Variants in CTNNA3 observed in about 807,000 individuals in gnomAD.
The protein encoded by CTNNA3 is catenin alpha-3.
A neutral mutation model predicts 95.7 loss-of-function variants in CTNNA3; 76 were observed. That is an observed-to-expected ratio of 0.79 (90% CI 0.66 to 0.96). The LOEUF (loss-of-function observed/expected upper bound fraction) is 0.96. CTNNA3 is among the 40% of genes least tolerant of loss of function. The pLI is 0.00. For missense variants in CTNNA3, 1,191 were observed against 1,089.8 expected (o/e 1.09, Z -1.31); for synonymous variants, 431 against 374.4 (o/e 1.15, Z -1.74).
At chr10:67,599,512 T>C (rs1485460558) in intron 3 of CTNNA3, among the ~76,000 whole-genome samples, 1 of 151,936 alleles carries the variant, frequency 6.6e-6, no homozygotes, top group East Asian at 1.9e-4. Context: ...GATGAATAGA[T>C]AGGACATTTC....
intron 7 of CTNNA3, among the ~76,000 whole-genome samples, chr10:66,833,630 TC>T (rs1350733499): frequency 2.0e-5 from 3 of 152,170 alleles, no homozygotes; most frequent in Admixed American, 2.0e-4. Flanking sequence ...AGTAGTGTGT[TC>T]CTAGACACTT....
chr10:66,380,615 A>G (rs1286388541), intron 11 of CTNNA3, among the ~76,000 whole-genome samples: 1 of 111,110 alleles, frequency 9.0e-6, no homozygotes, highest in Non-Finnish European at 1.6e-5. Context: ...CTATCTATCT[A>G]TCTATCTATC....
chr10:66,429,076 C>T (rs971646986), intron 11 of CTNNA3, among the ~76,000 whole-genome samples: 15 of 152,110 alleles, frequency 9.9e-5, no homozygotes, highest in African/African-American at 3.6e-4. Context: ...GGGGATATCA[C>T]CACCGATCCC....
At chr10:66,433,549 TGTCAAATG>T (rs1184580296) in intron 11 of CTNNA3, among the ~76,000 whole-genome samples, 4 of 152,240 alleles carry the variant, frequency 2.6e-5, no homozygotes, top group Non-Finnish European at 5.9e-5. Flanking sequence ...ATTAGCCCTT[TGTCAAATG>T]GATAGATTGC....
chr10:66,980,561 T>A (rs988972337), intron 7 of CTNNA3, among the ~76,000 whole-genome samples: 2 of 152,092 alleles, frequency 1.3e-5, no homozygotes, highest in African/African-American at 4.8e-5. Flanking sequence ...TATTGAGACC[T>A]TCCTACCCAC....
At chr10:67,745,157 G>GGTATTACT (rs1351562156) in intron 1 of CTNNA3, among the ~76,000 whole-genome samples, 1 of 152,068 alleles carries the variant, frequency 6.6e-6, no homozygotes. Flanking sequence ...TCCCATTACT[G>GGTATTACT]GGTATATACC....
chr10:66,685,909 G>A (rs887584320), intron 9 of CTNNA3, among the ~76,000 whole-genome samples: 1 of 151,824 alleles, frequency 6.6e-6, no homozygotes, highest in African/African-American at 2.4e-5. Flanking sequence ...TAAATAGAGG[G>A]GATTAGATAT....
At chr10:67,262,967 G>A (rs1214090647) in intron 5 of CTNNA3, among the ~76,000 whole-genome samples, 1 of 152,118 alleles carries the variant, frequency 6.6e-6, no homozygotes, top group Non-Finnish European at 1.5e-5. Flanking sequence ...AGGAAGAACT[G>A]TATAAGTTCA....
intron 1 of CTNNA3, among the ~76,000 whole-genome samples, chr10:67,722,389 T>C (rs1441705873): frequency 6.6e-6 from 1 of 152,202 alleles, no homozygotes; most frequent in Non-Finnish European, 1.5e-5. Context: ...ATGAATCATA[T>C]GTCATGAAGT....
At chr10:66,176,205 TA>T (rs2085704310) in intron 13 of CTNNA3, among the ~76,000 whole-genome samples, 1 of 152,136 alleles carries the variant, frequency 6.6e-6, no homozygotes, top group Non-Finnish European at 1.5e-5. Context: ...TGAAAGAGTA[TA>T]ATTATACAAT....
intron 9 of CTNNA3, among the ~76,000 whole-genome samples, chr10:66,679,248 G>A (rs1406033937): frequency 6.6e-6 from 1 of 152,102 alleles, no homozygotes; most frequent in East Asian, 1.9e-4. Context: ...CAAGAAGGCA[G>A]AATTACTGGC....
chr10:67,443,549 A>G (rs1846616273), intron 5 of CTNNA3, among the ~76,000 whole-genome samples: 1 of 152,196 alleles, frequency 6.6e-6, no homozygotes, highest in Admixed American at 6.5e-5. Flanking sequence ...ATGGCCAGTG[A>G]TGATGAGCAT....
intron 7 of CTNNA3, among the ~76,000 whole-genome samples, chr10:66,923,041 T>G (rs1025663649): frequency 2.0e-5 from 3 of 152,212 alleles, no homozygotes; most frequent in African/African-American, 7.2e-5. Flanking sequence ...TAGCCAATAC[T>G]AGGTCTTATT....
intron 14 of CTNNA3, among the ~76,000 whole-genome samples, chr10:66,099,100 A>G (rs2081512690): frequency 6.6e-6 from 1 of 152,218 alleles, no homozygotes; most frequent in Non-Finnish European, 1.5e-5. Context: ...GCCTGGTTCT[A>G]GCGCATGTGC....
chr10:67,691,295 G>C lies in CTNNA3; in HGVS notation c.-6+4705C>G, dbSNP rs201202674. On this transcript the variant is annotated intron_variant, in intron 1 of 17. Transcript: ENST00000433211. ...GGCCTCCCAAAGTGCCGAGATTGCA[G>C]CCTCTGCCTGGCCACCACCCCGTCT... Among the ~76,000 whole-genome samples, 3 of 152,332 alleles carry C rather than the reference G, an allele frequency of 2.0e-5. No individual in the cohort carries two copies. In the East Asian group the frequency reaches 5.8e-4, roughly 29 times the overall value.
chr10:66,200,687 A>G (rs1285738440), intron 13 of CTNNA3, among the ~76,000 whole-genome samples: 4 of 152,170 alleles, frequency 2.6e-5, no homozygotes, highest in African/African-American at 9.7e-5. Context: ...TTTCTGTTCA[A>G]TCCTCCTATT....
At chr10:66,362,130 G>A in intron 12 of CTNNA3, among the ~76,000 whole-genome samples, 1 of 124,174 alleles carries the variant, frequency 8.1e-6, no homozygotes. Flanking sequence ...TTGAGACGGA[G>A]TCTTGCTCTG....
At chr10:66,982,655 T>C (rs911038142) in intron 7 of CTNNA3, among the ~76,000 whole-genome samples, 2 of 152,066 alleles carry the variant, frequency 1.3e-5, no homozygotes, top group African/African-American at 2.4e-5. Flanking sequence ...TGAGGTTATA[T>C]AAAATAGAAT....
chr10:66,900,801 A>G (rs903362011), intron 7 of CTNNA3, among the ~76,000 whole-genome samples: 4 of 152,200 alleles, frequency 2.6e-5, no homozygotes, highest in African/African-American at 9.7e-5. Flanking sequence ...AAATTAATGA[A>G]ATAAAGCAAG....
Sources: allele counts gnomAD v4.1 joint callset (sites outside exome capture counted in the v4.1 genomes callset), GRCh38; gene constraint gnomAD v4.1.1; transcripts MANE v1.5; gene names NCBI Gene and HGNC (gene_info 2026-07-23, HGNC 2026-07-21).